The following SCCPDH variants were observed in gnomAD, a reference collection of about 807,000 sequenced individuals.
The protein encoded by SCCPDH is saccharopine dehydrogenase (putative), also known as saccharopine dehydrogenase-like oxidoreductase.
In SCCPDH, 34 loss-of-function variants were observed where a neutral mutation model predicts 51.5. The ratio of observed to expected loss-of-function variants is 0.66; its 90% confidence interval spans 0.50 to 0.88. The LOEUF (loss-of-function observed/expected upper bound fraction) is 0.88, where lower values mean the gene tolerates loss of function less well. SCCPDH is among the 40% of genes least tolerant of loss of function. The probability of loss-of-function intolerance (pLI) is 0.00; values close to 1 mark genes in which losing one functional copy is unlikely to be tolerated. For missense variants in SCCPDH, 464 were observed against 527.1 expected (o/e 0.88, Z 1.17); for synonymous variants, 187 against 191.3 (o/e 0.98, Z 0.19).
At chr1:246,745,936 G>A (rs1042971296) in intron 5 of SCCPDH, among the ~76,000 whole-genome samples, 8 of 151,510 alleles carry the variant, frequency 5.3e-5, no homozygotes, top group African/African-American at 1.7e-4. Flanking sequence ...GTGAAACCCC[G>A]TCTCTACTAA....
intron 4 of SCCPDH, among the ~76,000 whole-genome samples, chr1:246,740,540 T>A (rs1306190636): frequency 6.6e-6 from 1 of 152,244 alleles, no homozygotes; most frequent in Non-Finnish European, 1.5e-5. Flanking sequence ...CAGTATAGTT[T>A]GGGCTGTAAA....
At chr1:246,740,125 A>T in intron 3 of SCCPDH, 47 bp from the exon 4 acceptor site, 1 of 1,454,630 alleles carries the variant, frequency 6.9e-7, no homozygotes, top group Non-Finnish European at 9.4e-7. Context: ...ATACTGGTCT[A>T]CATCTTTCTG....
chr1:246,725,076 G>A (rs1558164852), intron 1 of SCCPDH, among the ~76,000 whole-genome samples: 1 of 152,172 alleles, frequency 6.6e-6, no homozygotes, highest in Non-Finnish European at 1.5e-5. Context: ...GGGAGAGCAA[G>A]CTTACGAGTT....
chr1:246,766,671 T>A (rs573138566), intron 11 of SCCPDH, among the ~76,000 whole-genome samples: 31 of 152,320 alleles, frequency 2.0e-4, no homozygotes, highest in African/African-American at 6.0e-4. Context: ...TAAAACAGGA[T>A]TAATAAAAGT....
chr1:246,763,669 T>C (rs932459570), intron 9 of SCCPDH, among the ~76,000 whole-genome samples: 3 of 152,132 alleles, frequency 2.0e-5, no homozygotes, highest in Non-Finnish European at 4.4e-5. Flanking sequence ...TTCCTCCTAC[T>C]AAACTGTAAG....
At chr1:246,753,818 C>T (rs949100485) in intron 5 of SCCPDH, among the ~76,000 whole-genome samples, 1 of 151,678 alleles carries the variant, frequency 6.6e-6, no homozygotes, top group Non-Finnish European at 1.5e-5. Context: ...ACTTAACGCT[C>T]GTAGTGAGTG....
At chr1:246,744,149 G>GTTGTT (rs1668721437) in intron 5 of SCCPDH, 24 bp downstream of exon 5, 1 of 1,431,124 alleles carries the variant, frequency 7.0e-7, no homozygotes, top group African/African-American at 1.4e-5. Flanking sequence ...TTTGTCTTGT[G>GTTGTT]TTGTTTCAAG....
At chr1:246,764,476 A>C in intron 10 of SCCPDH, 119 bp downstream of exon 10, 1 of 515,836 alleles carries the variant, frequency 1.9e-6, no homozygotes, top group Non-Finnish European at 3.3e-6. Context: ...ATTTGTACAA[A>C]TTAAGTAACT....
chr1:246,729,656 A>G (rs776865724), intron 2 of SCCPDH, among the ~76,000 whole-genome samples: 5 of 152,272 alleles, frequency 3.3e-5, no homozygotes, highest in Middle Eastern at 3.4e-3. Flanking sequence ...GGATAACTCA[A>G]TCATCACAGG....
chr1:246,735,256 C>T (rs867823804), intron 2 of SCCPDH, among the ~76,000 whole-genome samples: 11 of 152,244 alleles, frequency 7.2e-5, no homozygotes, highest in Non-Finnish European at 1.3e-4. Context: ...TCAGACCCAT[C>T]TCTTTCTACT....
chr1:246,730,044 A>G (rs1668469193), intron 2 of SCCPDH, among the ~76,000 whole-genome samples: 2 of 150,654 alleles, frequency 1.3e-5, no homozygotes, highest in African/African-American at 5.0e-5. Flanking sequence ...CATATTTTAA[A>G]AAAAGCTGCT....
chr1:246,750,226 G>A (rs1668830389), intron 5 of SCCPDH, among the ~76,000 whole-genome samples: 1 of 152,116 alleles, frequency 6.6e-6, no homozygotes, highest in African/African-American at 2.4e-5. Flanking sequence ...TAATGTTGGT[G>A]TACTGGAAAC....
chr1:246,724,714 C>A, intron 1 of SCCPDH, 102 bp downstream of exon 1: 1 of 1,061,562 alleles, frequency 9.4e-7, no homozygotes, highest in Non-Finnish European at 1.3e-6. Context: ...CCTACGTGTC[C>A]CCGAGCCCTG....
At chr1:246,733,719 A>G (rs1397513087) in intron 2 of SCCPDH, among the ~76,000 whole-genome samples, 1 of 152,134 alleles carries the variant, frequency 6.6e-6, no homozygotes, top group Non-Finnish European at 1.5e-5. Flanking sequence ...TCTGCTAGAT[A>G]CCTTGCATCA....
chr1:246,735,173 C>T (rs1197046225), intron 2 of SCCPDH, among the ~76,000 whole-genome samples: 1 of 152,182 alleles, frequency 6.6e-6, no homozygotes, highest in Non-Finnish European at 1.5e-5. Flanking sequence ...GCCAAGTAAA[C>T]TAGAAAGGAT....
At chr1:246,758,412 G>T in intron 6 of SCCPDH, 56 bp downstream of exon 6, 1 of 1,338,992 alleles carries the variant, frequency 7.5e-7, no homozygotes, top group Non-Finnish European at 1.0e-6. Flanking sequence ...ATTGTTGTTG[G>T]GTTGGCTATT....
chr1:246,745,972 G>A (rs1314911313), intron 5 of SCCPDH, among the ~76,000 whole-genome samples: 3 of 152,018 alleles, frequency 2.0e-5, no homozygotes, highest in Admixed American at 6.6e-5. Context: ...GCTGGGCGTG[G>A]TGGCAGGCAC....
At chr1:246,747,726 T>C (rs1336439456) in intron 5 of SCCPDH, among the ~76,000 whole-genome samples, 2 of 151,958 alleles carry the variant, frequency 1.3e-5, no homozygotes, top group African/African-American at 4.8e-5. Context: ...CTAATTCCGA[T>C]TGGCTATTTT....
At chr1:246,765,991 T>A in intron 10 of SCCPDH, 67 bp from the exon 11 acceptor site, 2 of 1,040,494 alleles carry the variant, frequency 1.9e-6, no homozygotes, top group Non-Finnish European at 1.5e-6. Context: ...TACCATTTGA[T>A]TTTTGATGTT....
Sources: allele counts gnomAD v4.1 joint callset (sites outside exome capture counted in the v4.1 genomes callset), GRCh38; gene constraint gnomAD v4.1.1; transcripts MANE v1.5; gene names NCBI Gene and HGNC (gene_info 2026-07-23, HGNC 2026-07-21).